SOST: variants seen among roughly 807,000 people sequenced by gnomAD.
SOST encodes the protein sclerostin, also known as sclerosteosis.
Under a neutral mutation model 16.7 loss-of-function variants are expected in SOST, and 14 were observed. The observed-to-expected ratio is 0.84, with a 90% CI of 0.55 to 1.31. The LOEUF (loss-of-function observed/expected upper bound fraction) is 1.31, where lower values mean the gene tolerates loss of function less well. SOST is among the 50% of genes most tolerant of loss of function. SOST has a pLI of 0.00. For missense variants in SOST, 291 were observed against 310.7 expected, an observed-to-expected ratio of 0.94 and a Z score of 0.48; for synonymous variants, 150 against 140.9, an observed-to-expected ratio of 1.06 and a Z score of -0.46.
Position 43,755,759 on chromosome 17 carries a change from C to T in SOST, c.225G>A (p.Val75=). 6.3e-7 allele frequency: 1 copy of T among 1,579,890 alleles called. No homozygotes were observed. Among genetic ancestry groups the T allele is most frequent in the Non-Finnish European group, 8.5e-7 (1 of 1,171,914 alleles). The change falls in exon 2 of 2, where the codon GTG becomes GTA. Residue 75 remains valine, a synonymous_variant. Coordinates refer to ENST00000301691, the MANE Select transcript of SOST (RefSeq NM_025237.3). This position sits in a 1 kb window ranked among gnomAD's most constrained non-coding sequence, Gnocchi z 4.3. ...PPHHPFETKD[V]SEYSCRELHF... ...GCAGCTCGCGGCAGCTGTACTCGGACACGTCTGTGGAGAGAGGCGCGCGTG... is the reference window on the plus strand; with the variant it reads ...GCAGCTCGCGGCAGCTGTACTCGGATACGTCTGTGGAGAGAGGCGCGCGTG...
rs1160653548 is a variant in SOST, at chr17:43,755,821, C to T, written c.221-58G>A. The T allele has an allele frequency of 8.6e-6, 13 of 1,519,398 alleles. No individual in the cohort carries two copies. Among genetic ancestry groups the T allele is most frequent in the Non-Finnish European group, 9.7e-6 (11 of 1,136,558 alleles). 94.1% of individuals were successfully genotyped at this position (1,519,398 alleles called of 1,614,324 possible). On this transcript the variant is annotated intron_variant, in intron 1 of 1. Transcript: ENST00000301691. The surrounding 1 kb of genome is among the most constrained non-coding windows in gnomAD (Gnocchi z 4.3). Reference sequence around the variant, plus strand: ...CCGCCTGGCCACCCCTGCCCTGGACCGGCCCGTCTCTCTCCACCCCAGCCC... The same window carrying T: ...CCGCCTGGCCACCCCTGCCCTGGACTGGCCCGTCTCTCTCCACCCCAGCCC...
chr17:43,755,859 G>A lies in SOST; in HGVS notation c.221-96C>T. The A allele has an allele frequency of 7.1e-7, 1 of 1,408,718 alleles. No individual in the cohort carries two copies. Among genetic ancestry groups the A allele is most frequent in the African/African-American group, 1.4e-5 (1 of 68,984 alleles). 87.3% of individuals were successfully genotyped at this position (1,408,718 alleles called of 1,614,324 possible). A position where few individuals can be genotyped will look rare whatever the true frequency, so the allele number is the denominator to read the frequency against. On this transcript the variant is annotated intron_variant, in intron 1 of 1. Coordinates refer to ENST00000301691, the MANE Select transcript of SOST (RefSeq NM_025237.3). The surrounding 1 kb of genome is among the most constrained non-coding windows in gnomAD (Gnocchi z 4.3). ...TCCACCCCAGCCCTGCTTTTGCCAA[G>A]CCTGTCTCCAGAGGCTTTTGCCCCT...
chr17:43,755,709 C>G lies in SOST; in HGVS notation c.275G>C (p.Gly92Ala). 6.4e-7 allele frequency: 1 copy of G among 1,569,788 alleles called. No individual in the cohort carries two copies. The highest frequency in any genetic ancestry group is 1.2e-5 in the South Asian group (1 of 86,700). ...ELHFTRYVTD[G>A]PCRSAKPVTE... Reference sequence around the variant, plus strand: ...GACCGGCTTGGCGCTGCGGCACGGCCCATCGGTCACGTAGCGGGTGAAGTG... The same window carrying G: ...GACCGGCTTGGCGCTGCGGCACGGCGCATCGGTCACGTAGCGGGTGAAGTG... The change falls in exon 2 of 2, where the codon GGG (glycine) becomes GCG (alanine). Residue 92 changes from glycine (G) to alanine (A), a missense_variant. Coordinates refer to ENST00000301691, the MANE Select transcript of SOST (RefSeq NM_025237.3). The surrounding 1 kb of genome is among the most constrained non-coding windows in gnomAD (Gnocchi z 4.3).
At chr17:43,757,075 T>A (rs1974138208) in intron 1 of SOST, among the ~76,000 whole-genome samples, 1 of 152,200 alleles carries the variant, frequency 6.6e-6, no homozygotes, top group Admixed American at 6.5e-5. Context: ...TGCTTTCTGG[T>A]CTGTGGGCTG....
chr17:43,758,578 G>C lies in SOST; in HGVS notation c.164C>G (p.Thr55Ser), dbSNP rs1421157409. 1 of 1,614,082 alleles carries C rather than the reference G, an allele frequency of 6.2e-7. No individual in the cohort carries two copies. Among genetic ancestry groups the C allele is most frequent in the Non-Finnish European group, 8.5e-7 (1 of 1,180,040 alleles). Residue 55 changes from threonine (T) to serine (S), a missense_variant, in exon 1 of 2, where the codon ACC becomes AGC. Transcript: ENST00000301691. ...EPPPELENNK[T>S]MNRAENGGRP... ...CCCTCCGTTCTCCGCCCGGTTCATG[G>C]TCTTGTTGTTCTCCAGCTCCGGTGG...
At chr17:43,758,476 A>G (rs1435594094) in intron 1 of SOST, 46 bp downstream of exon 1, 2 of 1,512,468 alleles carry the variant, frequency 1.3e-6, no homozygotes. Context: ...AGTTTCTAAA[A>G]CCTCCCCAGG....
chr17:43,758,432 G>A, intron 1 of SOST, 90 bp downstream of exon 1: 1 of 1,047,116 alleles, frequency 9.6e-7, no homozygotes, highest in Non-Finnish European at 1.4e-6. Flanking sequence ...ATCTTCACTG[G>A]GTCTACCCCA....
At position 43,755,672 on chromosome 17, in the gene SOST, C is replaced by T. The variant is rs1196020451; in HGVS notation, c.312G>A (p.Val104=). The T allele has an allele frequency of 1.9e-6, 3 of 1,570,184 alleles. No homozygotes were observed. Among genetic ancestry groups the T allele is most frequent in the East Asian group, 2.3e-5 (1 of 43,154 alleles). The change falls in exon 2 of 2, where the codon GTG becomes GTA. Residue 104 remains valine, a synonymous_variant. Coordinates refer to ENST00000301691, the MANE Select transcript of SOST (RefSeq NM_025237.3). This position sits in a 1 kb window ranked among gnomAD's most constrained non-coding sequence, Gnocchi z 4.3. ...GCGCCGGGCCGCACTGGCCGGAGCA[C>T]ACCAGCTCGGTGACCGGCTTGGCGC... is the stretch of plus-strand genomic sequence containing the variant. ...CRSAKPVTEL[V]CSGQCGPARL...
chr17:43,756,277 A>G (rs999817771), intron 1 of SOST, among the ~76,000 whole-genome samples: 1 of 152,028 alleles, frequency 6.6e-6, no homozygotes. Flanking sequence ...GCTTCTCCCA[A>G]ATTCCTTTTC....
chr17:43,758,485 G>A (rs889153323), intron 1 of SOST, 37 bp downstream of exon 1: 4 of 1,549,428 alleles, frequency 2.6e-6, no homozygotes, highest in Non-Finnish European at 3.5e-6. Flanking sequence ...AACCTCCCCA[G>A]GATCTTTTAC....
In SOST at chr17:43,755,331, G is replaced by A; in HGVS notation, c.*11C>T. The stretch of plus-strand genomic sequence containing the variant: ...GGGGCGCCCGCCGGTGGGGAGGGGC[G>A]CGGGCGGGCTCTAGTAGGCGTTCTC... On this transcript the variant is annotated 3_prime_UTR_variant, in exon 2 of 2. Coordinates refer to ENST00000301691, the MANE Select transcript of SOST (RefSeq NM_025237.3). The surrounding 1 kb of genome is among the most constrained non-coding windows in gnomAD (Gnocchi z 4.3). 1 of 1,550,248 alleles carries A rather than the reference G, an allele frequency of 6.5e-7. No homozygotes were observed. Among genetic ancestry groups the A allele is most frequent in the Non-Finnish European group, 8.6e-7 (1 of 1,160,906 alleles).
At chr17:43,756,653 C>T (rs895122696) in intron 1 of SOST, among the ~76,000 whole-genome samples, 1 of 152,130 alleles carries the variant, frequency 6.6e-6, no homozygotes, top group African/African-American at 2.4e-5. Flanking sequence ...ACTTTCCTAC[C>T]ATAGGGGCCC....
At chr17:43,757,180 C>T (rs1439788017) in intron 1 of SOST, among the ~76,000 whole-genome samples, 3 of 152,214 alleles carry the variant, frequency 2.0e-5, no homozygotes, top group East Asian at 3.8e-4. Context: ...TCGAGAATAG[C>T]GCCCCTAGGC....
In SOST at chr17:43,754,057, A is replaced by G. The variant is rs1307716402; in HGVS notation, c.*1285T>C. ...GAGGTTGTCTGGAAATGATTTTCAA[A>G]AAGATTTTTGGGTGGCAGTATTATG... On this transcript the variant is annotated 3_prime_UTR_variant, in exon 2 of 2. Transcript: ENST00000301691. 8.5e-6 allele frequency: 1 copy of G among 117,346 alleles called. No homozygotes were observed. The highest frequency in any genetic ancestry group is 2.3e-4 in the East Asian group (1 of 4,438). 7.3% of individuals were successfully genotyped at this position (117,346 alleles called of 1,614,324 possible).
In SOST at chr17:43,755,872, G is replaced by C. The variant is rs1193231025; in HGVS notation, c.221-109C>G. The C allele has an allele frequency of 1.5e-6, 2 of 1,313,604 alleles. No individual in the cohort carries two copies. Among genetic ancestry groups the C allele is most frequent in the African/African-American group, 3.0e-5 (2 of 66,656 alleles). The allele number at this position is 1,313,604 out of a possible 1,614,324, so 81.4% of individuals were successfully genotyped here. On this transcript the variant is annotated intron_variant, in intron 1 of 1. Coordinates refer to ENST00000301691, the MANE Select transcript of SOST (RefSeq NM_025237.3). The surrounding 1 kb of genome is among the most constrained non-coding windows in gnomAD (Gnocchi z 4.3). ...TGCTTTTGCCAAGCCTGTCTCCAGA[G>C]GCTTTTGCCCCTGAACATCTATTGC... is the stretch of plus-strand genomic sequence containing the variant.
In SOST at chr17:43,755,028, G is replaced by GA. The variant is rs1436714640; in HGVS notation, c.*313dup. ...CGCTCCCTTAAAACCCCAGGGCGGT[G>GA]AAAATGCTTCCATTTCTGCCTCCTC... On this transcript the variant is annotated 3_prime_UTR_variant, in exon 2 of 2. Coordinates refer to ENST00000301691, the MANE Select transcript of SOST (RefSeq NM_025237.3). The surrounding 1 kb of genome is among the most constrained non-coding windows in gnomAD (Gnocchi z 4.3). The GA allele has an allele frequency of 1.1e-5, 4 of 371,160 alleles. No individual in the cohort carries two copies. Among genetic ancestry groups the GA allele is most frequent in the African/African-American group, 4.3e-5 (2 of 46,796 alleles). 23.0% of individuals were successfully genotyped at this position (371,160 alleles called of 1,614,324 possible).
In SOST at chr17:43,754,560, A is replaced by C. The variant is rs1341658552; in HGVS notation, c.*782T>G. The C allele has an allele frequency of 1.3e-5, 2 of 152,136 alleles. No individual in the cohort carries two copies. The allele number at this position is 152,136 out of a possible 1,614,324, so 9.4% of individuals were successfully genotyped here. ...GTCAGCCGTAAATATGTCAGCCATA[A>C]ATAGACTCTTTACTTTTTTTTTTCT... On this transcript the variant is annotated 3_prime_UTR_variant, in exon 2 of 2. Transcript: ENST00000301691.
At chr17:43,758,439 C>A in intron 1 of SOST, 83 bp downstream of exon 1, 1 of 1,116,286 alleles carries the variant, frequency 9.0e-7, no homozygotes, top group East Asian at 2.6e-5. Flanking sequence ...CTGGGTCTAC[C>A]CCAGTCTTCC....
chr17:43,758,405 G>C, intron 1 of SOST, 117 bp downstream of exon 1: 1 of 823,380 alleles, frequency 1.2e-6, no homozygotes, highest in African/African-American at 1.7e-5. Context: ...CTCGACCAGT[G>C]CTGGCAGAGG....
Sources: gnomAD v4.1 joint callset for allele counts (sites outside exome capture counted in the v4.1 genomes callset) on GRCh38, gnomAD v4.1.1 for gene constraint, Gnocchi (gnomAD v3.1) non-coding constraint, MANE v1.5 for transcripts, NCBI Gene and HGNC (gene_info 2026-07-23, HGNC 2026-07-21) for gene names.